PLXNA4: variants seen among roughly 807,000 people sequenced by gnomAD.
PLXNA4 encodes plexin A4.
A neutral mutation model predicts 191.8 loss-of-function variants in PLXNA4; 44 were observed. The ratio of observed to expected loss-of-function variants is 0.23; its 90% CI spans 0.18 to 0.29. The LOEUF is 0.29. Among genes scored for constraint, PLXNA4 ranks in the 10% least tolerant of loss-of-function variants. PLXNA4 has a pLI of 1.00. For missense variants in PLXNA4, 1,800 were observed against 2,488.8 expected (o/e 0.72, Z 5.89); for synonymous variants, 1,082 against 1,009.5 (o/e 1.07, Z -1.36).
chr7:132,501,708 T>A (rs1798263987), intron 2 of PLXNA4, among the ~76,000 whole-genome samples: 1 of 152,134 alleles, frequency 6.6e-6, no homozygotes, highest in Non-Finnish European at 1.5e-5. Flanking sequence ...CTGAGACAGG[T>A]GCCATCTCCG....
At chr7:132,549,458 T>C (rs1477542385) in intron 1 of PLXNA4, among the ~76,000 whole-genome samples, 7 of 152,174 alleles carry the variant, frequency 4.6e-5, no homozygotes, top group African/African-American at 1.4e-4. Context: ...TGGCTACTCA[T>C]GAGAATCACC....
intron 3 of PLXNA4, among the ~76,000 whole-genome samples, chr7:132,488,859 A>G (rs568630876): frequency 7.2e-5 from 11 of 152,280 alleles, no homozygotes; most frequent in Admixed American, 4.6e-4. Flanking sequence ...ACTTTCCTCC[A>G]TCTGTTCCCT....
chr7:132,355,809 A>G (rs1007004672), intron 3 of PLXNA4, among the ~76,000 whole-genome samples: 3 of 152,174 alleles, frequency 2.0e-5, no homozygotes, highest in African/African-American at 7.2e-5. Context: ...TGGAGATCAT[A>G]TGATGCCAAC....
chr7:132,149,849 C>G (rs1018024444), intron 25 of PLXNA4, among the ~76,000 whole-genome samples: 3 of 152,188 alleles, frequency 2.0e-5, no homozygotes, highest in Non-Finnish European at 4.4e-5. Context: ...AAGGCTGGTC[C>G]ATGACCAGCC....
At chr7:132,437,812 A>C (rs540865235) in intron 3 of PLXNA4, among the ~76,000 whole-genome samples, 2 of 152,300 alleles carry the variant, frequency 1.3e-5, no homozygotes, top group East Asian at 3.9e-4. Context: ...CAGCAGCAGG[A>C]GGGTCATGTG....
chr7:132,141,712 T>C (rs543406875), intron 29 of PLXNA4, among the ~76,000 whole-genome samples: 1 of 152,152 alleles, frequency 6.6e-6, no homozygotes, highest in Non-Finnish European at 1.5e-5. Context: ...AAAACTTGTG[T>C]AAGTCTTTCC....
chr7:132,374,114 T>C (rs1804560262), intron 3 of PLXNA4, among the ~76,000 whole-genome samples: 1 of 152,162 alleles, frequency 6.6e-6, no homozygotes, highest in Non-Finnish European at 1.5e-5. Context: ...GCAGCTTGGC[T>C]CCCGTTCATT....
intron 3 of PLXNA4, among the ~76,000 whole-genome samples, chr7:132,332,372 C>T (rs1371175625): frequency 6.6e-6 from 1 of 152,154 alleles, no homozygotes; most frequent in African/African-American, 2.4e-5. Flanking sequence ...GTCTTCATGG[C>T]TATGTTTGGA....
chr7:132,298,071 C>T lies in PLXNA4; in HGVS notation c.1503+20G>A, dbSNP rs376402313. The T allele has an allele frequency of 9.2e-5, 149 of 1,613,902 alleles. No homozygotes were observed. The highest frequency in any genetic ancestry group is 3.1e-4 in the East Asian group (14 of 44,898). On this transcript the variant is annotated intron_variant, in intron 4 of 31. Coordinates refer to ENST00000321063, the MANE Select transcript of PLXNA4 (RefSeq NM_020911.2). Reference sequence around the variant, plus strand: ...ATTTAACTGCAAGACAAATGTCTAGCGGAGCCCGAAGAGCCTTACCTGCCT... The same window carrying T: ...ATTTAACTGCAAGACAAATGTCTAGTGGAGCCCGAAGAGCCTTACCTGCCT...
intron 2 of PLXNA4, among the ~76,000 whole-genome samples, chr7:132,612,123 C>A (rs1325091322): frequency 6.6e-6 from 1 of 152,178 alleles, no homozygotes; most frequent in Non-Finnish European, 1.5e-5. Context: ...CATGCCAAGT[C>A]AACTCCATTT....
intron 2 of PLXNA4, among the ~76,000 whole-genome samples, chr7:132,591,207 G>T (rs1283936881): frequency 6.6e-6 from 1 of 152,170 alleles, no homozygotes; most frequent in Non-Finnish European, 1.5e-5. Flanking sequence ...TGGAGGGAAG[G>T]GTGGGCCACA....
At chr7:132,530,631 TG>T in intron 1 of PLXNA4, among the ~76,000 whole-genome samples, 1 of 152,364 alleles carries the variant, frequency 6.6e-6, no homozygotes, top group Non-Finnish European at 1.5e-5. Flanking sequence ...TCTTGGATAC[TG>T]CTGGTGAAAG....
chr7:132,216,989 G>T (rs1797982765), intron 9 of PLXNA4, among the ~76,000 whole-genome samples: 1 of 152,206 alleles, frequency 6.6e-6, no homozygotes, highest in Non-Finnish European at 1.5e-5. Flanking sequence ...CTCCCTCGGA[G>T]GCTGTTTTGC....
At chr7:132,226,051 C>A in intron 8 of PLXNA4, 110 bp downstream of exon 8, 4 of 1,027,818 alleles carry the variant, frequency 3.9e-6, no homozygotes, top group Non-Finnish European at 5.9e-6. Flanking sequence ...AAGGAGGCCT[C>A]CTCTGGGGCT....
intron 30 of PLXNA4, among the ~76,000 whole-genome samples, chr7:132,137,200 A>G (rs75077820): frequency 1.6e-4 from 25 of 152,310 alleles, no homozygotes; most frequent in Non-Finnish European, 2.9e-4. Context: ...TAGGAGGCAT[A>G]TTTAAATATT....
intron 3 of PLXNA4, among the ~76,000 whole-genome samples, chr7:132,355,531 C>T (rs545478979): frequency 3.3e-5 from 5 of 152,210 alleles, no homozygotes; most frequent in South Asian, 2.1e-4. Context: ...GTTGGGTGCT[C>T]GGCAGACTCT....
At chr7:132,390,593 A>G (rs764481219) in intron 3 of PLXNA4, among the ~76,000 whole-genome samples, 1 of 152,178 alleles carries the variant, frequency 6.6e-6, no homozygotes, top group Non-Finnish European at 1.5e-5. Flanking sequence ...AATAAAAAAG[A>G]AAAGGCCCCC....
At chr7:132,404,662 T>G (rs1794136068) in intron 3 of PLXNA4, among the ~76,000 whole-genome samples, 1 of 152,222 alleles carries the variant, frequency 6.6e-6, no homozygotes, top group African/African-American at 2.4e-5. Context: ...AATATGATCA[T>G]GTTATTTAAC....
At chr7:132,169,711 C>T (rs557319490) in intron 21 of PLXNA4, among the ~76,000 whole-genome samples, 7 of 152,080 alleles carry the variant, frequency 4.6e-5, no homozygotes, top group Admixed American at 2.0e-4. Flanking sequence ...GGGGGCACCC[C>T]GGGACTCCTG....
Sources: gnomAD v4.1 joint callset for allele counts (sites outside exome capture counted in the v4.1 genomes callset) on GRCh38, gnomAD v4.1.1 for gene constraint, MANE v1.5 for transcripts, NCBI Gene and HGNC (gene_info 2026-07-23, HGNC 2026-07-21) for gene names.